NCAM2: variants seen among roughly 807,000 people sequenced by gnomAD.
NCAM2 encodes neural cell adhesion molecule 2.
NCAM2 carries 30 observed loss-of-function variants against 98.1 expected under a neutral mutation model. The ratio of observed to expected loss-of-function variants is 0.31; its 90% CI spans 0.23 to 0.41. The LOEUF is 0.41. Among genes scored for constraint, NCAM2 ranks in the 10% least tolerant of loss-of-function variants. NCAM2 has a pLI of 1.00. For synonymous variants in NCAM2, 368 were observed against 342.4 expected (o/e 1.07, Z -0.83); for missense variants, 867 against 1,005.8 (o/e 0.86, Z 1.87).
chr21:21,203,998 G>C (rs1451088296), intron 1 of NCAM2, among the ~76,000 whole-genome samples: 5 of 152,038 alleles, frequency 3.3e-5, no homozygotes, highest in African/African-American at 1.2e-4. Flanking sequence ...CTTTGATAAT[G>C]TGGCAGAATA....
chr21:21,496,764 T>C (rs1449024157), intron 15 of NCAM2, among the ~76,000 whole-genome samples: 5 of 152,128 alleles, frequency 3.3e-5, no homozygotes, highest in African/African-American at 2.4e-5. Context: ...TTTAAGTTTT[T>C]AATCCATCCC....
At position 21,539,832 on chromosome 21, in the gene NCAM2, G is replaced by C. The variant is rs1798033146; in HGVS notation, c.*1875G>C. The C allele has an allele frequency of 6.6e-6, 1 of 152,092 alleles. No individual in the cohort carries two copies. The highest frequency in any genetic ancestry group is 1.5e-5 in the Non-Finnish European group (1 of 68,018). The allele number at this position is 152,092 out of a possible 1,614,324, so 9.4% of individuals were successfully genotyped here. A position where few individuals can be genotyped will look rare whatever the true frequency, so the allele number is the denominator to read the frequency against. On this transcript the variant is annotated 3_prime_UTR_variant, in exon 18 of 18. Transcript: ENST00000400546. The stretch of plus-strand genomic sequence containing the variant: ...TTTAACTGACTTGATTATCCAACTG[G>C]TCTTTGACAGATTTGACTGTTCATA...
chr21:21,421,366 TGA>T (rs1169381858), intron 11 of NCAM2, among the ~76,000 whole-genome samples: 2 of 121,356 alleles, frequency 1.6e-5, no homozygotes, highest in Admixed American at 9.7e-5. Context: ...TCATCAAAGC[TGA>T]GTTAGAAAAT....
At chr21:21,175,235 T>A (rs543363306) in intron 1 of NCAM2, among the ~76,000 whole-genome samples, 20 of 152,168 alleles carry the variant, frequency 1.3e-4, no homozygotes, top group Admixed American at 2.6e-4. Context: ...GATGGTAGAC[T>A]TGAAAAACTA....
chr21:21,341,348 T>TA (rs2075028898), intron 8 of NCAM2, among the ~76,000 whole-genome samples: 1 of 152,128 alleles, frequency 6.6e-6, no homozygotes, highest in Admixed American at 6.6e-5. Flanking sequence ...TAGGAATGCA[T>TA]ATTAAATAAA....
chr21:21,447,436 C>T (rs1187289659), intron 12 of NCAM2, among the ~76,000 whole-genome samples: 1 of 152,112 alleles, frequency 6.6e-6, no homozygotes, highest in African/African-American at 2.4e-5. Flanking sequence ...AAACCCAAAA[C>T]CATGAAAACC....
intron 10 of NCAM2, among the ~76,000 whole-genome samples, chr21:21,418,010 A>G (rs1449105555): frequency 6.6e-6 from 1 of 152,060 alleles, no homozygotes; most frequent in African/African-American, 2.4e-5. Flanking sequence ...TCTGAGGCCA[A>G]AACATAAAAA....
intron 1 of NCAM2, among the ~76,000 whole-genome samples, chr21:21,145,814 A>G (rs1363617383): frequency 6.6e-6 from 1 of 152,200 alleles, no homozygotes; most frequent in Non-Finnish European, 1.5e-5. Flanking sequence ...TAATCCATGG[A>G]TTTAATAGTC....
At chr21:21,363,672 AT>A (rs1180169937) in intron 8 of NCAM2, among the ~76,000 whole-genome samples, 2 of 151,974 alleles carry the variant, frequency 1.3e-5, no homozygotes, top group Non-Finnish European at 2.9e-5. Context: ...ATTTTCTTTG[AT>A]TTTTTATAGA....
chr21:21,214,746 T>TATATATATATATACACAC (rs11268201), intron 1 of NCAM2, among the ~76,000 whole-genome samples: 4 of 100,608 alleles, frequency 4.0e-5, no homozygotes, highest in African/African-American at 6.5e-5. Flanking sequence ...TATATATATA[T>TATATATATATATACACAC]ACACTATATA....
At chr21:21,069,313 A>G (rs1027610712) in intron 1 of NCAM2, among the ~76,000 whole-genome samples, 1 of 152,208 alleles carries the variant, frequency 6.6e-6, no homozygotes, top group African/African-American at 2.4e-5. Context: ...AATGTAAATT[A>G]TATATGAATA....
rs74762489 is a variant in NCAM2 at position 21,178,590 on chromosome 21, G to A, written c.56-101988G>A. The stretch of plus-strand genomic sequence containing the variant: ...ATGCTATGAGCCAGACACTGAGGTG[G>A]AAAGAGATGAATTAGACATGCTTAC... On this transcript the variant is annotated intron_variant, in intron 1 of 17. Transcript: ENST00000400546. 0.01 allele frequency among the ~76,000 whole-genome samples: 1,536 copies of A among 152,054 alleles called. 67 individuals are homozygous for A. In the East Asian group the frequency reaches 0.16, roughly 16 times the overall value.
chr21:21,461,118 T>C (rs931449519), intron 12 of NCAM2, among the ~76,000 whole-genome samples: 1 of 151,878 alleles, frequency 6.6e-6, no homozygotes, highest in African/African-American at 2.4e-5. Flanking sequence ...GTTTAGTAAT[T>C]ACACATTTGT....
At position 21,042,326 on chromosome 21, in the gene NCAM2, G is replaced by C. The variant is rs368261854; in HGVS notation, c.55+43708G>C. Among the ~76,000 whole-genome samples, 5 of 151,988 alleles carry C rather than the reference G, an allele frequency of 3.3e-5. No homozygotes were observed. The East Asian group carries it at 5.8e-4, about 18-fold the overall frequency. ...CAGCCTCCCGAGTAGCTGGTATTAC[G>C]GGCATGCACCACCACACCCAGCTAA... On this transcript the variant is annotated intron_variant, in intron 1 of 17. Coordinates refer to ENST00000400546, the MANE Select transcript of NCAM2 (RefSeq NM_004540.5).
chr21:21,236,852 A>G (rs1383327047), intron 1 of NCAM2, among the ~76,000 whole-genome samples: 1 of 152,052 alleles, frequency 6.6e-6, no homozygotes, highest in African/African-American at 2.4e-5. Context: ...TATCCACAAT[A>G]TCACTAGGAA....
At chr21:21,362,529 A>G (rs2075672922) in intron 8 of NCAM2, among the ~76,000 whole-genome samples, 1 of 152,028 alleles carries the variant, frequency 6.6e-6, no homozygotes, top group African/African-American at 2.4e-5. Flanking sequence ...GGTAGCTGGG[A>G]CTACAGGCAC....
intron 1 of NCAM2, among the ~76,000 whole-genome samples, chr21:21,049,181 G>A (rs980786489): frequency 4.2e-5 from 6 of 144,174 alleles, no homozygotes; most frequent in African/African-American, 1.3e-4. Context: ...CACCGCGCCC[G>A]GCTAATTTTT....
chr21:21,453,599 G>T (rs565812085), intron 12 of NCAM2, among the ~76,000 whole-genome samples: 161 of 152,086 alleles, frequency 1.1e-3, no homozygotes, highest in Non-Finnish European at 1.8e-3. Flanking sequence ...ATTTTGAGTA[G>T]GGAACAACCT....
chr21:21,227,176 G>T (rs1421721832), intron 1 of NCAM2, among the ~76,000 whole-genome samples: 3 of 151,494 alleles, frequency 2.0e-5, no homozygotes, highest in African/African-American at 4.8e-5. Context: ...AATAAGTAAA[G>T]AATTTAAAAG....
Sources: gnomAD v4.1 joint callset for allele counts (sites outside exome capture counted in the v4.1 genomes callset) on GRCh38, gnomAD v4.1.1 for gene constraint, MANE v1.5 for transcripts, NCBI Gene and HGNC (gene_info 2026-07-23, HGNC 2026-07-21) for gene names.